The following NALCN variants were observed in gnomAD, a reference collection of about 807,000 sequenced individuals.
NALCN encodes sodium leak channel NALCN.
Under a neutral mutation model 225.3 loss-of-function variants are expected in NALCN, and 111 were observed. The ratio of observed to expected loss-of-function variants is 0.49; its 90% confidence interval spans 0.42 to 0.58. NALCN has a LOEUF of 0.58. NALCN is among the 20% of genes least tolerant of loss of function. The pLI, the probability that NALCN is intolerant of heterozygous loss-of-function variation, is 0.00. For missense variants in NALCN, 1,378 were observed against 2,202.4 expected (o/e 0.63, Z 7.49); for synonymous variants, 764 against 769.0 (o/e 0.99, Z 0.11).
Position 101,291,980 on chromosome 13 carries a change from G to A in NALCN, c.1047+10C>T, listed in dbSNP as rs781139901. ...GAATGGGTTATAACATCCTCTTGCT[G>A]ATAGCGTACCTGGGTGGTGGCTGTT... On this transcript the variant is annotated intron_variant, in intron 9 of 43. Transcript: ENST00000251127. 1.7e-5 allele frequency: 28 copies of A among 1,613,452 alleles called. No homozygotes were observed. The highest frequency in any genetic ancestry group is 2.2e-5 in the Non-Finnish European group (26 of 1,179,558).
chr13:101,065,630 A>T, intron 39 of NALCN, 69 bp from the exon 40 acceptor site: 2 of 1,324,668 alleles, frequency 1.5e-6, no homozygotes, highest in Non-Finnish European at 2.0e-6. Flanking sequence ...TCTCAAAAGA[A>T]AAAAAAAAAG....
chr13:101,184,721 A>G (rs2039377979), intron 14 of NALCN, among the ~76,000 whole-genome samples: 1 of 152,072 alleles, frequency 6.6e-6, no homozygotes, highest in Non-Finnish European at 1.5e-5. Context: ...AGTATGATTT[A>G]TTTTTGCAAG....
At chr13:101,260,252 G>GTA (rs1376582102) in intron 10 of NALCN, among the ~76,000 whole-genome samples, 1 of 152,146 alleles carries the variant, frequency 6.6e-6, no homozygotes, top group African/African-American at 2.4e-5. Context: ...CATATGTACT[G>GTA]TATTTTCTTT....
At chr13:101,367,186 A>G (rs894679143) in intron 6 of NALCN, among the ~76,000 whole-genome samples, 20 of 151,774 alleles carry the variant, frequency 1.3e-4, no homozygotes, top group Admixed American at 1.3e-4. Context: ...CTGCAGTTGT[A>G]GAAAGAAACT....
chr13:101,076,012 C>T (rs182619324), intron 34 of NALCN, 71 bp from the exon 35 acceptor site: 9 of 1,338,920 alleles, frequency 6.7e-6, no homozygotes, highest in African/African-American at 3.0e-5. Context: ...ATTTTTTAAG[C>T]CTTCTGTGAA....
chr13:101,326,889 A>G (rs1405783755), intron 7 of NALCN, among the ~76,000 whole-genome samples: 1 of 152,116 alleles, frequency 6.6e-6, no homozygotes, highest in Non-Finnish European at 1.5e-5. Flanking sequence ...TCAGTTCTCC[A>G]TGTGGCCTCT....
intron 11 of NALCN, among the ~76,000 whole-genome samples, chr13:101,247,171 G>C (rs7139713): frequency 0.041 from 6,300 of 152,296 alleles, 338 homozygotes; most frequent in African/African-American, 0.12. Flanking sequence ...ACAGGGACTA[G>C]AATGGGTTTC....
intron 9 of NALCN, 141 bp from the exon 10 acceptor site, chr13:101,284,160 T>C: frequency 1.6e-6 from 1 of 641,382 alleles, no homozygotes; most frequent in Non-Finnish European, 2.6e-6. Flanking sequence ...TCATTTCAAT[T>C]ATAGTTCTTT....
At chr13:101,400,149 C>G (rs1374285638) in intron 1 of NALCN, among the ~76,000 whole-genome samples, 1 of 136,302 alleles carries the variant, frequency 7.3e-6, no homozygotes, top group African/African-American at 3.2e-5. Flanking sequence ...CAGCCCTAAC[C>G]AAAAAAAAAC....
intron 26 of NALCN, 56 bp downstream of exon 26, chr13:101,103,116 A>T: frequency 6.4e-7 from 1 of 1,563,856 alleles, no homozygotes; most frequent in Non-Finnish European, 8.7e-7. Context: ...TTCCCTCATT[A>T]GCTGCATTAG....
At chr13:101,280,734 C>T (rs1316500623) in intron 10 of NALCN, among the ~76,000 whole-genome samples, 2 of 152,090 alleles carry the variant, frequency 1.3e-5, no homozygotes, top group East Asian at 1.9e-4. Flanking sequence ...CCTGGGTTCT[C>T]CCTCTGGTTG....
intron 7 of NALCN, among the ~76,000 whole-genome samples, chr13:101,310,025 T>TA (rs1459030776): frequency 1.3e-5 from 2 of 152,166 alleles, no homozygotes; most frequent in African/African-American, 4.8e-5. Context: ...AATCTCTTAG[T>TA]AAATCCCATA....
chr13:101,402,875 T>G (rs1356346309), intron 1 of NALCN, among the ~76,000 whole-genome samples: 1 of 152,206 alleles, frequency 6.6e-6, no homozygotes, highest in Non-Finnish European at 1.5e-5. Context: ...AGGTTCCCCA[T>G]GTGCAGCGGG....
intron 13 of NALCN, among the ~76,000 whole-genome samples, chr13:101,212,101 T>C (rs2040546968): frequency 6.6e-6 from 1 of 152,204 alleles, no homozygotes; most frequent in Admixed American, 6.5e-5. Flanking sequence ...CCTTTGGTCA[T>C]ATGTCCCTCC....
At chr13:101,366,892 T>C (rs540031393) in intron 6 of NALCN, among the ~76,000 whole-genome samples, 5 of 149,094 alleles carry the variant, frequency 3.4e-5, no homozygotes, top group Admixed American at 2.0e-4. Flanking sequence ...TAGCTGAAAC[T>C]TTGTACCCTT....
intron 13 of NALCN, among the ~76,000 whole-genome samples, chr13:101,197,881 G>A (rs980694391): frequency 6.6e-6 from 1 of 152,168 alleles, no homozygotes; most frequent in African/African-American, 2.4e-5. Flanking sequence ...AGTCAAAGTT[G>A]CCAGCACATT....
intron 6 of NALCN, among the ~76,000 whole-genome samples, chr13:101,372,170 T>C (rs1266455615): frequency 6.6e-6 from 1 of 152,116 alleles, no homozygotes; most frequent in African/African-American, 2.4e-5. Flanking sequence ...TGACACGTTA[T>C]GCGCCTAATT....
chr13:101,170,209 T>TG (rs747867768), intron 15 of NALCN, among the ~76,000 whole-genome samples: 1 of 152,204 alleles, frequency 6.6e-6, no homozygotes, highest in Non-Finnish European at 1.5e-5. Flanking sequence ...TCCCACTATC[T>TG]GCTCTCTTCA....
At chr13:101,224,270 C>A (rs1481753386) in intron 13 of NALCN, among the ~76,000 whole-genome samples, 3 of 152,172 alleles carry the variant, frequency 2.0e-5, no homozygotes, top group Admixed American at 1.3e-4. Context: ...TTCACTGCTT[C>A]CTAACCAACC....
Sources: allele counts gnomAD v4.1 joint callset (sites outside exome capture counted in the v4.1 genomes callset), GRCh38; gene constraint gnomAD v4.1.1; transcripts MANE v1.5; gene names NCBI Gene and HGNC (gene_info 2026-07-23, HGNC 2026-07-21).